Variants in GALNT14 observed in about 807,000 individuals in gnomAD.
GALNT14 encodes the protein polypeptide N-acetylgalactosaminyltransferase 14, also known as UDP-GalNAc:polypeptide N-acetylgalactosaminyltransferase 14.
Under a neutral mutation model 77.5 loss-of-function variants are expected in GALNT14, and 60 were observed. That is an observed-to-expected ratio of 0.77 (90% CI 0.63 to 0.96). The LOEUF (loss-of-function observed/expected upper bound fraction) is 0.96. Among genes scored for constraint, GALNT14 ranks in the 40% least tolerant of loss-of-function variants. GALNT14 has a pLI of 0.00. For missense variants in GALNT14, 710 were observed against 731.0 expected, an observed-to-expected ratio of 0.97 and a Z score of 0.33; for synonymous variants, 280 against 281.7, an observed-to-expected ratio of 0.99 and a Z score of 0.06.
chr2:31,087,149 A>G (rs1676467811), intron 1 of GALNT14, among the ~76,000 whole-genome samples: 1 of 152,172 alleles, frequency 6.6e-6, no homozygotes, highest in Non-Finnish European at 1.5e-5. Flanking sequence ...GAAGGCAAAG[A>G]GCATTCCAGG....
intron 1 of GALNT14, among the ~76,000 whole-genome samples, chr2:31,086,602 A>G (rs1279375854): frequency 6.6e-6 from 1 of 152,208 alleles, no homozygotes; most frequent in East Asian, 1.9e-4. Context: ...ACATACATTA[A>G]CTAAGAAAAC....
chr2:31,059,954 T>C (rs1192005509), intron 1 of GALNT14, among the ~76,000 whole-genome samples: 1 of 152,170 alleles, frequency 6.6e-6, no homozygotes, highest in African/African-American at 2.4e-5. Flanking sequence ...AAATTATATT[T>C]CCCCTACTCT....
intron 1 of GALNT14, chr2:31,129,430 C>A (rs1363913566): frequency 1.0e-6 from 1 of 985,334 alleles, no homozygotes; most frequent in Non-Finnish European, 1.2e-6. Context: ...CAGCTAGCTC[C>A]TCTTCTGATA....
intron 1 of GALNT14, among the ~76,000 whole-genome samples, chr2:31,044,465 T>C (rs1419516614): frequency 6.6e-6 from 1 of 152,204 alleles, no homozygotes; most frequent in Non-Finnish European, 1.5e-5. Context: ...GCCTAGGATG[T>C]AATTCAGAGC....
At chr2:31,082,005 A>G (rs1437309707) in intron 1 of GALNT14, among the ~76,000 whole-genome samples, 1 of 152,242 alleles carries the variant, frequency 6.6e-6, no homozygotes, top group Non-Finnish European at 1.5e-5. Context: ...TGATATAAAA[A>G]GAGTTGTGTT....
At chr2:30,973,025 T>G (rs940907726) in intron 2 of GALNT14, among the ~76,000 whole-genome samples, 6 of 152,200 alleles carry the variant, frequency 3.9e-5, no homozygotes, top group African/African-American at 1.4e-4. Context: ...TTCCAAGTCC[T>G]GCACTTCCAG....
At chr2:31,086,020 G>A (rs1055597058) in intron 1 of GALNT14, among the ~76,000 whole-genome samples, 4 of 152,132 alleles carry the variant, frequency 2.6e-5, no homozygotes, top group African/African-American at 7.2e-5. Flanking sequence ...GAACAGCACC[G>A]GAAAACCTGA....
chr2:30,950,700 C>G (rs1460564221), intron 6 of GALNT14, among the ~76,000 whole-genome samples: 3 of 152,246 alleles, frequency 2.0e-5, no homozygotes, highest in African/African-American at 7.2e-5. Flanking sequence ...CTGGGTTTGT[C>G]TCTTTGCTAA....
chr2:31,033,468 T>G (rs536488146), intron 1 of GALNT14, among the ~76,000 whole-genome samples: 8 of 152,304 alleles, frequency 5.3e-5, no homozygotes, highest in African/African-American at 1.9e-4. Context: ...TACCTTTCCT[T>G]CCTCGTGATC....
At chr2:30,945,988 C>T (rs1367044570) in intron 6 of GALNT14, 118 bp from the exon 7 acceptor site, 1 of 738,486 alleles carries the variant, frequency 1.4e-6, no homozygotes, top group Admixed American at 2.3e-5. Flanking sequence ...TTCATAGAGC[C>T]CTTTCATCTC....
intron 2 of GALNT14, among the ~76,000 whole-genome samples, chr2:30,978,173 CT>C (rs1195445203): frequency 6.6e-6 from 1 of 152,224 alleles, no homozygotes; most frequent in Non-Finnish European, 1.5e-5. Context: ...TTGACTGTAC[CT>C]GTGTCACAAC....
At chr2:31,124,720 A>C (rs1239260715) in intron 1 of GALNT14, among the ~76,000 whole-genome samples, 1 of 152,164 alleles carries the variant, frequency 6.6e-6, no homozygotes, top group African/African-American at 2.4e-5. Context: ...GCACTGTTTA[A>C]AGAGAAAGGC....
At chr2:31,115,261 CA>C (rs879729806) in intron 1 of GALNT14, among the ~76,000 whole-genome samples, 63 of 143,694 alleles carry the variant, frequency 4.4e-4, no homozygotes, top group Admixed American at 4.2e-4. Context: ...AAAAAAATTA[CA>C]AAAAAAAAAA....
rs114296060 is a variant in GALNT14 at position 30,974,615 on chromosome 2, C to T, written c.300-8313G>A. ...TGAAATGCACTCTCCTCGCTTCCAACGCCAGGCTATTTTTTCCTCTTCTAA... is the reference window on the plus strand; with the variant it reads ...TGAAATGCACTCTCCTCGCTTCCAATGCCAGGCTATTTTTTCCTCTTCTAA... On this transcript the variant is annotated intron_variant, in intron 2 of 14. Transcript: ENST00000349752. Among the ~76,000 whole-genome samples the T allele has an allele frequency of 4.5e-3, 688 of 152,346 alleles. 3 individuals are homozygous for T. The highest frequency in any genetic ancestry group is 0.017 in the Middle Eastern group (5 of 294).
intron 1 of GALNT14, among the ~76,000 whole-genome samples, chr2:31,032,671 T>A (rs1672491284): frequency 6.6e-6 from 1 of 152,068 alleles, no homozygotes. Context: ...AATCCCCACA[T>A]ACCCCCTCTT....
chr2:30,888,004 T>C, the GALNT14 span, among the ~76,000 whole-genome samples: 1 of 152,222 alleles, frequency 6.6e-6, no homozygotes, highest in East Asian at 1.9e-4. Flanking sequence ...TGTACTGCTG[T>C]TTCTTTCCCT....
At chr2:30,944,535 C>T (rs1232641199) in intron 8 of GALNT14, among the ~76,000 whole-genome samples, 1 of 152,138 alleles carries the variant, frequency 6.6e-6, no homozygotes, top group Non-Finnish European at 1.5e-5. Context: ...CCTAAGGGAC[C>T]ATCTTTCCCC....
chr2:30,944,908 C>G lies in GALNT14; in HGVS notation c.777G>C (p.Gln259His). The change falls in exon 8 of 15, where the codon CAG becomes CAC. Residue 259 changes from glutamine to histidine, a missense_variant. Physicochemically the swap from Gln to His is conservative, Grantham distance 24. Coordinates refer to ENST00000349752, the MANE Select transcript of GALNT14 (RefSeq NM_024572.4). The part of the protein sequence containing the change: ...FDWSLHFQWE[Q>H]LSPEQKARRL... ...GCCGAGCCTTCTGCTCTGGGGAGAG[C>G]TGCTCCCACTGGAAGTGGAGGCTCC... is the stretch of plus-strand genomic sequence containing the variant. The G allele has an allele frequency of 1.2e-6, 2 of 1,610,940 alleles. No homozygotes were observed. Among genetic ancestry groups the G allele is most frequent in the Non-Finnish European group, 8.5e-7 (1 of 1,177,922 alleles).
intron 1 of GALNT14, among the ~76,000 whole-genome samples, chr2:30,995,137 T>TGTGTGA (rs1669947967): frequency 2.0e-5 from 1 of 50,900 alleles, no homozygotes; most frequent in Admixed American, 1.7e-4. Flanking sequence ...ATGTTGTGTG[T>TGTGTGA]GTGTGTGTGT....
Sources: allele counts gnomAD v4.1 joint callset (sites outside exome capture counted in the v4.1 genomes callset), GRCh38; gene constraint gnomAD v4.1.1; transcripts MANE v1.5; gene names NCBI Gene and HGNC (gene_info 2026-07-23, HGNC 2026-07-21).